The following ARID3B variants were observed in gnomAD, a reference collection of about 807,000 sequenced individuals.
ARID3B encodes the protein AT-rich interaction domain 3B, also known as AT-rich interactive domain-containing protein 3B.
ARID3B carries 10 observed loss-of-function variants against 51.9 expected under a neutral mutation model. The observed-to-expected ratio is 0.19, with a 90% CI of 0.12 to 0.33. The LOEUF (loss-of-function observed/expected upper bound fraction) is 0.33, where lower values mean the gene tolerates loss of function less well. ARID3B is among the 10% of genes least tolerant of loss of function. The pLI is 1.00. For synonymous variants in ARID3B, 205 were observed against 279.5 expected, an observed-to-expected ratio of 0.73 and a Z score of 2.66; for missense variants, 483 against 716.3, an observed-to-expected ratio of 0.67 and a Z score of 3.72.
chr15:74,563,072 G>A (rs1030034671), intron 2 of ARID3B, among the ~76,000 whole-genome samples: 10 of 152,120 alleles, frequency 6.6e-5, no homozygotes, highest in Admixed American at 1.3e-4. Context: ...GTTTATTCCC[G>A]TTGGCTTGTT....
intron 2 of ARID3B, among the ~76,000 whole-genome samples, chr15:74,553,893 G>A (rs1227968068): frequency 1.3e-5 from 2 of 150,804 alleles, no homozygotes; most frequent in African/African-American, 4.9e-5. Context: ...GCACAATCTC[G>A]GCGCACTGCA....
At chr15:74,560,031 T>TTAAAAAAAAAAAAAAAAAAAAAAAA (rs2061673539) in intron 2 of ARID3B, among the ~76,000 whole-genome samples, 1 of 35,640 alleles carries the variant, frequency 2.8e-5, no homozygotes, top group Admixed American at 6.1e-4. Flanking sequence ...CTGTCTCTAC[T>TTAAAAAAAAAAAAAAAAAAAAAAAA]AAAAAAAAAA....
At chr15:74,561,033 C>T (rs529033465) in intron 2 of ARID3B, among the ~76,000 whole-genome samples, 1 of 152,312 alleles carries the variant, frequency 6.6e-6, no homozygotes, top group South Asian at 2.1e-4. Context: ...AATCCTTGTG[C>T]TTCAGCCTCC....
intron 4 of ARID3B, among the ~76,000 whole-genome samples, chr15:74,587,250 C>G (rs2061784945): frequency 6.6e-6 from 1 of 152,216 alleles, no homozygotes; most frequent in Non-Finnish European, 1.5e-5. Context: ...CTGCAGGCAT[C>G]TAACTGTGGG....
chr15:74,591,557 C>T lies in ARID3B; in HGVS notation c.1166-3C>T. The T allele has an allele frequency of 2.5e-6, 4 of 1,610,432 alleles. No individual in the cohort carries two copies. Among genetic ancestry groups the T allele is most frequent in the Non-Finnish European group, 3.4e-6 (4 of 1,177,168 alleles). On this transcript the variant is annotated splice_region_variant and splice_polypyrimidine_tract_variant and intron_variant, in intron 6 of 8. Transcript: ENST00000346246. The surrounding 1 kb of genome is among the most constrained non-coding windows in gnomAD (Gnocchi z 5.8). ...GATTGGTCCAGCTCCAGTTCCTTTG[C>T]AGGTGATGGAGCCCCAGTGACAACA...
At position 74,596,908 on chromosome 15, in the gene ARID3B, C is replaced by T. The variant is rs577235002; in HGVS notation, c.*1134C>T. 2.1e-5 allele frequency: 5 copies of T among 233,700 alleles called. No individual in the cohort carries two copies. Among genetic ancestry groups the T allele is most frequent in the African/African-American group, 1.1e-4 (5 of 45,462 alleles). 14.5% of individuals were successfully genotyped at this position (233,700 alleles called of 1,614,324 possible). A position where few individuals can be genotyped will look rare whatever the true frequency, so the allele number is the denominator to read the frequency against. ...GGCCCCTCTGGCCCTTCCCTCAAGC[C>T]CAGTGAGGAGGTGGGTGGAGGCATG... On this transcript the variant is annotated 3_prime_UTR_variant, in exon 9 of 9. Transcript: ENST00000346246.
chr15:74,590,410 A>G (rs2061798805), intron 5 of ARID3B, among the ~76,000 whole-genome samples: 1 of 152,220 alleles, frequency 6.6e-6, no homozygotes, highest in Non-Finnish European at 1.5e-5. Flanking sequence ...TCTTCCAAAC[A>G]GCATCTCCAC....
At chr15:74,542,240 G>C (rs754384846) in intron 1 of ARID3B, among the ~76,000 whole-genome samples, 20 of 152,166 alleles carry the variant, frequency 1.3e-4, no homozygotes, top group Admixed American at 2.6e-4. Context: ...GACCCAAATT[G>C]TTTTCATTTT....
At chr15:74,586,034 G>A (rs372110489) in intron 4 of ARID3B, among the ~76,000 whole-genome samples, 124 of 152,330 alleles carry the variant, frequency 8.1e-4, no homozygotes, top group African/African-American at 2.7e-3. Context: ...GGAATAATGC[G>A]CCCAATCTCC....
intron 8 of ARID3B, among the ~76,000 whole-genome samples, chr15:74,595,246 C>T (rs1417460804): frequency 3.3e-5 from 5 of 152,144 alleles, no homozygotes; most frequent in Admixed American, 3.3e-4. Context: ...CTGTATTGCC[C>T]AGTCTGGTCT....
At chr15:74,583,061 G>C (rs777528308) in intron 4 of ARID3B, among the ~76,000 whole-genome samples, 1 of 151,606 alleles carries the variant, frequency 6.6e-6, no homozygotes, top group African/African-American at 2.4e-5. Context: ...TTAGCTGGAT[G>C]TGGTGGCACC....
intron 2 of ARID3B, among the ~76,000 whole-genome samples, chr15:74,565,071 G>T (rs1053040733): frequency 6.6e-6 from 1 of 150,740 alleles, no homozygotes; most frequent in Non-Finnish European, 1.5e-5. Context: ...TTGAAATAGG[G>T]TCTTGCCCTG....
At chr15:74,566,602 CAA>C (rs75577936) in intron 2 of ARID3B, among the ~76,000 whole-genome samples, 38 of 93,918 alleles carry the variant, frequency 4.0e-4, no homozygotes, top group Admixed American at 1.4e-3. Flanking sequence ...GACTCTGTCT[CAA>C]AAAAAAAAAA....
chr15:74,595,800 C>A lies in ARID3B; in HGVS notation c.*26C>A. 1 of 1,597,930 alleles carries A rather than the reference C, an allele frequency of 6.3e-7. No homozygotes were observed. Among genetic ancestry groups the A allele is most frequent in the Non-Finnish European group, 8.5e-7 (1 of 1,170,632 alleles). On this transcript the variant is annotated 3_prime_UTR_variant, in exon 9 of 9. Transcript: ENST00000346246. ...TGGGCAGGACCCAGCTTCCCACTTG[C>A]CACTCTCCTGTCGAGAGTGAAGGAA...
intron 2 of ARID3B, among the ~76,000 whole-genome samples, chr15:74,566,911 T>C (rs2061701127): frequency 6.6e-6 from 1 of 152,104 alleles, no homozygotes; most frequent in African/African-American, 2.4e-5. Flanking sequence ...TTCTAGGTGA[T>C]CAAGTGTTTG....
At chr15:74,557,140 C>T (rs2141452914) in intron 2 of ARID3B, among the ~76,000 whole-genome samples, 1 of 152,006 alleles carries the variant, frequency 6.6e-6, no homozygotes, top group African/African-American at 2.4e-5. Context: ...CTTGGCCAGG[C>T]ATGATGGCTC....
At chr15:74,560,622 C>T (rs560900063) in intron 2 of ARID3B, among the ~76,000 whole-genome samples, 10 of 152,182 alleles carry the variant, frequency 6.6e-5, no homozygotes, top group East Asian at 1.9e-4. Flanking sequence ...AGTAAAAATT[C>T]GTAGTTAAAA....
intron 2 of ARID3B, among the ~76,000 whole-genome samples, chr15:74,571,526 G>A (rs932106966): frequency 8.5e-5 from 13 of 152,212 alleles, no homozygotes; most frequent in Admixed American, 5.9e-4. Flanking sequence ...GTTATACTGT[G>A]AGAGTTCATA....
intron 2 of ARID3B, among the ~76,000 whole-genome samples, chr15:74,569,534 C>G (rs578043371): frequency 2.6e-4 from 40 of 152,294 alleles, no homozygotes; most frequent in Non-Finnish European, 4.3e-4. Flanking sequence ...TCGCAGTGAC[C>G]TGAGATCATG....
Sources: gnomAD v4.1 joint callset for allele counts (sites outside exome capture counted in the v4.1 genomes callset) on GRCh38, gnomAD v4.1.1 for gene constraint, Gnocchi (gnomAD v3.1) non-coding constraint, MANE v1.5 for transcripts, NCBI Gene and HGNC (gene_info 2026-07-23, HGNC 2026-07-21) for gene names.